Variants in SPATA17 observed in about 807,000 individuals in gnomAD.
The protein encoded by SPATA17 is spermatogenesis-associated protein 17.
Under a neutral mutation model 62.2 loss-of-function variants are expected in SPATA17, and 53 were observed. The ratio of observed to expected loss-of-function variants is 0.85; its 90% CI spans 0.68 to 1.07. The LOEUF (loss-of-function observed/expected upper bound fraction) is 1.07, where lower values mean the gene tolerates loss of function less well. Ranked by LOEUF, SPATA17 falls within the 50% of genes least tolerant of loss-of-function variation. The pLI, the probability that SPATA17 is intolerant of heterozygous loss-of-function variation, is 0.00. For synonymous variants in SPATA17, 146 were observed against 146.8 expected, an observed-to-expected ratio of 0.99 and a Z score of 0.04; for missense variants, 466 against 425.5, an observed-to-expected ratio of 1.10 and a Z score of -0.84.
chr1:217,851,308 G>C (rs1039928482), intron 9 of SPATA17, among the ~76,000 whole-genome samples: 2 of 151,868 alleles, frequency 1.3e-5, no homozygotes, highest in African/African-American at 4.8e-5. Flanking sequence ...TCATATTAAT[G>C]ATGCATGTAT....
At chr1:217,815,100 C>T (rs1176185909) in intron 9 of SPATA17, among the ~76,000 whole-genome samples, 2 of 152,108 alleles carry the variant, frequency 1.3e-5, no homozygotes, top group African/African-American at 4.8e-5. Context: ...GCCTCCAAAC[C>T]TATTGCCTTC....
intron 6 of SPATA17, among the ~76,000 whole-genome samples, chr1:217,743,675 T>C (rs1672677030): frequency 6.6e-6 from 1 of 151,960 alleles, no homozygotes; most frequent in African/African-American, 2.4e-5. Flanking sequence ...AGTGGCGTGA[T>C]CTTGGCTCAC....
chr1:217,805,242 C>A (rs750013881), intron 9 of SPATA17, among the ~76,000 whole-genome samples: 7 of 152,108 alleles, frequency 4.6e-5, no homozygotes, highest in Non-Finnish European at 7.4e-5. Flanking sequence ...ACATGGACAA[C>A]CCTGGAGGAT....
At chr1:217,808,970 G>C (rs1674514630) in intron 9 of SPATA17, among the ~76,000 whole-genome samples, 1 of 152,140 alleles carries the variant, frequency 6.6e-6, no homozygotes, top group African/African-American at 2.4e-5. Context: ...AAGCATCATG[G>C]TGGTGGTGAT....
At chr1:217,775,861 C>T (rs1673579128) in intron 7 of SPATA17, among the ~76,000 whole-genome samples, 1 of 151,934 alleles carries the variant, frequency 6.6e-6, no homozygotes, top group African/African-American at 2.4e-5. Flanking sequence ...ACAAACACTT[C>T]TTTGGCATTA....
At chr1:217,807,580 A>T (rs1479723386) in intron 9 of SPATA17, among the ~76,000 whole-genome samples, 3 of 152,112 alleles carry the variant, frequency 2.0e-5, no homozygotes, top group African/African-American at 7.2e-5. Context: ...TTTTAATTTA[A>T]TTTTTGGCTT....
chr1:217,668,191 A>G (rs1670745797), intron 3 of SPATA17, among the ~76,000 whole-genome samples: 2 of 152,224 alleles, frequency 1.3e-5, no homozygotes, highest in African/African-American at 4.8e-5. Flanking sequence ...TGTTAAAAAT[A>G]TGTATCTCAT....
intron 5 of SPATA17, among the ~76,000 whole-genome samples, chr1:217,700,756 C>CTTT (rs1279935780): frequency 1.1e-5 from 1 of 90,784 alleles, no homozygotes. Flanking sequence ...CTAATTTTTT[C>CTTT]TTTTTCTTTT....
At chr1:217,848,336 T>C (rs1247901020) in intron 9 of SPATA17, among the ~76,000 whole-genome samples, 2 of 152,190 alleles carry the variant, frequency 1.3e-5, no homozygotes, top group Non-Finnish European at 2.9e-5. Context: ...GTGTTAGCCA[T>C]TGACCTTCAA....
chr1:217,832,640 A>C (rs1291565870), intron 9 of SPATA17, among the ~76,000 whole-genome samples: 1 of 152,120 alleles, frequency 6.6e-6, no homozygotes, highest in Non-Finnish European at 1.5e-5. Context: ...ACATTCTCAC[A>C]TAAAAATAAA....
At chr1:217,639,953 A>G (rs1047390085) in intron 1 of SPATA17, among the ~76,000 whole-genome samples, 1 of 151,988 alleles carries the variant, frequency 6.6e-6, no homozygotes, top group Non-Finnish European at 1.5e-5. Flanking sequence ...TATCAGTTTT[A>G]TTTTAAGCTT....
intron 9 of SPATA17, among the ~76,000 whole-genome samples, chr1:217,841,745 CAT>C (rs1426917439): frequency 6.6e-6 from 1 of 151,314 alleles, no homozygotes; most frequent in African/African-American, 2.4e-5. Flanking sequence ...GAATAATACA[CAT>C]GTCATGCACT....
At chr1:217,701,792 C>T (rs1488659354) in intron 5 of SPATA17, among the ~76,000 whole-genome samples, 1 of 152,070 alleles carries the variant, frequency 6.6e-6, no homozygotes, top group Non-Finnish European at 1.5e-5. Context: ...TCTTTATACT[C>T]TTTCGTTTCC....
At chr1:217,678,210 T>TTTTC (rs1670998812) in intron 4 of SPATA17, among the ~76,000 whole-genome samples, 1 of 141,218 alleles carries the variant, frequency 7.1e-6, no homozygotes, top group Non-Finnish European at 1.5e-5. Flanking sequence ...CTTTTCTTTT[T>TTTTC]TTTTTTTTTT....
intron 5 of SPATA17, among the ~76,000 whole-genome samples, chr1:217,708,004 T>A (rs749407912): frequency 6.6e-6 from 1 of 152,126 alleles, no homozygotes; most frequent in Non-Finnish European, 1.5e-5. Flanking sequence ...TCTTTGAAAC[T>A]GATGAGAACA....
At chr1:217,838,549 G>T (rs1675314125) in intron 9 of SPATA17, among the ~76,000 whole-genome samples, 1 of 151,668 alleles carries the variant, frequency 6.6e-6, no homozygotes, top group Admixed American at 6.6e-5. Flanking sequence ...AAATCCAAAT[G>T]GATTAAAAAT....
chr1:217,710,981 T>G (rs751873086), intron 5 of SPATA17, among the ~76,000 whole-genome samples: 3 of 152,242 alleles, frequency 2.0e-5, no homozygotes, highest in Non-Finnish European at 4.4e-5. Flanking sequence ...TTGTAGTATA[T>G]GTATATCAGT....
chr1:217,724,730 G>A (rs930748792), intron 5 of SPATA17, among the ~76,000 whole-genome samples: 3 of 151,974 alleles, frequency 2.0e-5, no homozygotes, highest in Non-Finnish European at 4.4e-5. Context: ...AAGAACAATT[G>A]TAATTTTTAA....
chr1:217,848,104 A>G (rs1675568535), intron 9 of SPATA17, among the ~76,000 whole-genome samples: 1 of 152,204 alleles, frequency 6.6e-6, no homozygotes, highest in South Asian at 2.1e-4. Flanking sequence ...GAAAGGAAAT[A>G]TAATTCTAAG....
Sources: allele counts gnomAD v4.1 joint callset (sites outside exome capture counted in the v4.1 genomes callset), GRCh38; gene constraint gnomAD v4.1.1; transcripts MANE v1.5; gene names NCBI Gene and HGNC (gene_info 2026-07-23, HGNC 2026-07-21).